Variants in PTPN22 observed in about 807,000 individuals in gnomAD.
The protein encoded by PTPN22 is protein tyrosine phosphatase non-receptor type 22, also known as tyrosine-protein phosphatase non-receptor type 22.
In PTPN22, 85 loss-of-function variants were observed where a neutral mutation model predicts 103.3. The observed-to-expected ratio is 0.82, with a 90% CI of 0.69 to 0.99. The LOEUF (loss-of-function observed/expected upper bound fraction) is 0.99, where lower values mean the gene tolerates loss of function less well. Among genes scored for constraint, PTPN22 ranks in the 50% least tolerant of loss-of-function variants. The pLI is 0.00. For synonymous variants in PTPN22, 323 were observed against 310.2 expected (o/e 1.04, Z -0.43); for missense variants, 865 against 936.9 (o/e 0.92, Z 1.00).
chr1:113,826,413 G>GGGAAGGGAAGGGAAGGGAAGGGAAC (rs1662068571), intron 18 of PTPN22, among the ~76,000 whole-genome samples: 1 of 109,788 alleles, frequency 9.1e-6, no homozygotes, highest in African/African-American at 2.7e-5. Context: ...GGGAAGGGAA[G>GGGAAGGGAAGGGAAGGGAAGGGAAC]GGAAGGGAAG....
At chr1:113,844,639 C>T (rs1475453749) in intron 11 of PTPN22, among the ~76,000 whole-genome samples, 1 of 152,086 alleles carries the variant, frequency 6.6e-6, no homozygotes, top group Non-Finnish European at 1.5e-5. Context: ...ACTGCTATTG[C>T]TTCTGTCTCA....
At chr1:113,852,034 T>G in exon 10 of PTPN22, 1 of 1,606,278 alleles carries the variant, frequency 6.2e-7, no homozygotes, top group Non-Finnish European at 8.5e-7. Flanking sequence ...TACCTGCGTT[T>G]GAACTAATGA....
intron 1 of PTPN22, among the ~76,000 whole-genome samples, chr1:113,863,274 T>G (rs1571470067): frequency 6.6e-6 from 1 of 152,076 alleles, no homozygotes; most frequent in African/African-American, 2.4e-5. Flanking sequence ...TGTATTTTTA[T>G]TAGAGACAGG....
intron 4 of PTPN22, among the ~76,000 whole-genome samples, chr1:113,858,171 T>C (rs1665240195): frequency 6.6e-6 from 1 of 152,016 alleles, no homozygotes; most frequent in South Asian, 2.1e-4. Context: ...GATTCTCCCA[T>C]ATCAGCTTCC....
intron 10 of PTPN22, among the ~76,000 whole-genome samples, chr1:113,848,955 G>T (rs1664327825): frequency 6.6e-6 from 1 of 150,580 alleles, no homozygotes. Context: ...TGTTTCCCTT[G>T]CTCACATTAA....
chr1:113,843,793 G>T (rs1663812736), intron 11 of PTPN22, among the ~76,000 whole-genome samples: 1 of 152,144 alleles, frequency 6.6e-6, no homozygotes, highest in Non-Finnish European at 1.5e-5. Context: ...CCATTTGATA[G>T]AATTCTCTAG....
At chr1:113,858,338 C>T in intron 4 of PTPN22, 140 bp downstream of exon 4, 1 of 604,314 alleles carries the variant, frequency 1.7e-6, no homozygotes, top group East Asian at 3.2e-5. Context: ...TGGCTGAGAA[C>T]TTTCATTTCC....
At chr1:113,841,377 C>T (rs1043850551) in intron 11 of PTPN22, among the ~76,000 whole-genome samples, 7 of 152,024 alleles carry the variant, frequency 4.6e-5, no homozygotes, top group Admixed American at 2.6e-4. Flanking sequence ...GATTTGGCAA[C>T]GATTTCTTGG....
rs35424386 is a variant in PTPN22 at position 113,824,966 on chromosome 1, CAAAA to C, written c.2281+172_2281+175del. Among the ~76,000 whole-genome samples, 10 of 65,156 alleles carry C rather than the reference CAAAA, an allele frequency of 1.5e-4. No homozygotes were observed. In the East Asian group the frequency reaches 4.8e-3, roughly 31 times the overall value. The allele number at this position is 65,156 out of a possible 152,430, so 42.7% of individuals were successfully genotyped here. ...CCAATATTAGTATTGTGAAGCCTAG[CAAAA>C]AAAAAAAAAAAAAAAAAAGGAGGCC... On this transcript the variant is annotated intron_variant, in intron 19 of 20. Transcript: ENST00000359785.
chr1:113,869,882 C>CA (rs905489372), intron 1 of PTPN22, among the ~76,000 whole-genome samples: 2 of 152,158 alleles, frequency 1.3e-5, no homozygotes, highest in African/African-American at 4.8e-5. Flanking sequence ...CAGAGGGGCT[C>CA]AGACTGATCA....
chr1:113,871,512 T>G, intron 1 of PTPN22, 25 bp downstream of exon 1: 1 of 1,597,850 alleles, frequency 6.3e-7, no homozygotes, highest in Non-Finnish European at 8.6e-7. Context: ...GTAACTACCC[T>G]GAGAGGGTCA....
intron 1 of PTPN22, among the ~76,000 whole-genome samples, chr1:113,862,730 G>T (rs573629833): frequency 1.3e-5 from 2 of 152,112 alleles, no homozygotes; most frequent in Non-Finnish European, 2.9e-5. Context: ...ACAAAGTTTG[G>T]CTGTCTCGAG....
At chr1:113,854,808 G>T in intron 8 of PTPN22, 99 bp downstream of exon 8, 1 of 1,393,988 alleles carries the variant, frequency 7.2e-7, no homozygotes, top group Non-Finnish European at 9.8e-7. Flanking sequence ...ATTATCGTTT[G>T]TTTTTGCTAT....
intron 11 of PTPN22, among the ~76,000 whole-genome samples, chr1:113,841,809 G>A (rs7555354): frequency 0.22 from 33,008 of 151,992 alleles, 4,492 homozygotes; most frequent in South Asian, 0.39. Flanking sequence ...CACCATGTTG[G>A]CCAGGCTGAT....
At position 113,829,932 on chromosome 1, in the gene PTPN22, A is replaced by G. The variant is rs1028068117; in HGVS notation, c.2134+17T>C. The G allele has an allele frequency of 1.3e-6, 2 of 1,564,250 alleles. No homozygotes were observed. Among genetic ancestry groups the G allele is most frequent in the Non-Finnish European group, 1.8e-6 (2 of 1,135,502 alleles). Reference sequence around the variant, plus strand: ...TTCATTTTTATGATTTTTTTGAGAGAAAGTGCTACCACTTACAATCTTCAT... The same window carrying G: ...TTCATTTTTATGATTTTTTTGAGAGGAAGTGCTACCACTTACAATCTTCAT... On this transcript the variant is annotated intron_variant, in intron 17 of 20. Transcript: ENST00000359785.
intron 9 of PTPN22, among the ~76,000 whole-genome samples, chr1:113,854,157 T>C (rs1412280111): frequency 6.6e-6 from 1 of 152,128 alleles, no homozygotes; most frequent in African/African-American, 2.4e-5. Flanking sequence ...TGAGCCACTG[T>C]GCCCGGCCTA....
intron 15 of PTPN22, 121 bp downstream of exon 15, chr1:113,834,188 G>C: frequency 1.8e-6 from 2 of 1,083,492 alleles, no homozygotes. Context: ...ACATCCTCTA[G>C]CACATTGTTC....
chr1:113,858,307 C>T (rs1441080640), intron 4 of PTPN22, among the ~76,000 whole-genome samples, 171 bp downstream of exon 4: 1 of 152,140 alleles, frequency 6.6e-6, no homozygotes, highest in Non-Finnish European at 1.5e-5. Flanking sequence ...ATCCACCCCT[C>T]TTGGCCTCCC....
chr1:113,838,822 G>A (rs111926467), intron 11 of PTPN22, among the ~76,000 whole-genome samples: 13 of 152,154 alleles, frequency 8.5e-5, no homozygotes, highest in Admixed American at 6.5e-4. Context: ...AGGATTAATA[G>A]TATTATAGAA....
Sources: gnomAD v4.1 joint callset for allele counts (sites outside exome capture counted in the v4.1 genomes callset) on GRCh38, gnomAD v4.1.1 for gene constraint, MANE v1.5 for transcripts, NCBI Gene and HGNC (gene_info 2026-07-23, HGNC 2026-07-21) for gene names.